Variants in CAMSAP2 observed in about 807,000 individuals in gnomAD.
CAMSAP2 encodes calmodulin regulated spectrin associated protein family member 2, also known as calmodulin-regulated spectrin-associated protein 2.
Under a neutral mutation model 146.1 loss-of-function variants are expected in CAMSAP2, and 26 were observed. The ratio of observed to expected loss-of-function variants is 0.18; its 90% confidence interval spans 0.13 to 0.25. The LOEUF (loss-of-function observed/expected upper bound fraction) is 0.25, where lower values mean the gene tolerates loss of function less well. Among genes scored for constraint, CAMSAP2 ranks in the 10% least tolerant of loss-of-function variants. The pLI is 1.00. For missense variants in CAMSAP2, 1,381 were observed against 1,759.3 expected (o/e 0.78, Z 3.85); for synonymous variants, 499 against 596.6 (o/e 0.84, Z 2.38).
intron 4 of CAMSAP2, among the ~76,000 whole-genome samples, chr1:200,825,626 C>T (rs1271452596): frequency 6.6e-6 from 1 of 151,900 alleles, no homozygotes; most frequent in Non-Finnish European, 1.5e-5. Context: ...TCTGCCTCAG[C>T]CTCCCAAGTA....
At chr1:200,817,773 T>C (rs1666646523) in intron 4 of CAMSAP2, among the ~76,000 whole-genome samples, 1 of 152,270 alleles carries the variant, frequency 6.6e-6, no homozygotes, top group African/African-American at 2.4e-5. Flanking sequence ...GGGATCACAA[T>C]GCTTTCCCCC....
chr1:200,835,408 C>A (rs900494237), intron 6 of CAMSAP2, among the ~76,000 whole-genome samples: 2 of 152,160 alleles, frequency 1.3e-5, no homozygotes, highest in East Asian at 3.8e-4. Context: ...ATGCTAGACA[C>A]TGTACTGAGC....
intron 4 of CAMSAP2, among the ~76,000 whole-genome samples, chr1:200,826,233 C>A (rs1275060031): frequency 6.6e-6 from 1 of 151,940 alleles, no homozygotes; most frequent in Non-Finnish European, 1.5e-5. Flanking sequence ...GAGCTCAAGA[C>A]CAGCCTGGCC....
chr1:200,789,126 C>G (rs1665677357), intron 2 of CAMSAP2, among the ~76,000 whole-genome samples: 1 of 152,094 alleles, frequency 6.6e-6, no homozygotes, highest in Non-Finnish European at 1.5e-5. Flanking sequence ...TTCTCCCAGT[C>G]TGTGGCTTAT....
rs1667830823 is a variant in CAMSAP2 at position 200,859,566 on chromosome 1, T to C, written c.*1507T>C. ...AATATTTTACTGTAATTTATGTTCT[T>C]ATATTTATGTATATTTGTTAAAACT... On this transcript the variant is annotated 3_prime_UTR_variant, in exon 17 of 17. Transcript: ENST00000358823. The C allele has an allele frequency of 6.6e-6, 1 of 152,430 alleles. No homozygotes were observed. The highest frequency in any genetic ancestry group is 1.5e-5 in the Non-Finnish European group (1 of 67,908). 9.4% of individuals were successfully genotyped at this position (152,430 alleles called of 1,614,324 possible). A position where few individuals can be genotyped will look rare whatever the true frequency, so the allele number is the denominator to read the frequency against.
In CAMSAP2 at chr1:200,832,850, A is replaced by G; in HGVS notation, c.927+5A>G. 3 of 1,551,522 alleles carry G rather than the reference A, an allele frequency of 1.9e-6. No individual in the cohort carries two copies. Among genetic ancestry groups the G allele is most frequent in the Non-Finnish European group, 2.6e-6 (3 of 1,153,970 alleles). The stretch of plus-strand genomic sequence containing the variant: ...TATGCTGCTTCATCCATAAAGGTAA[A>G]TTAAATTATTCTTTTTTTCCCTTTG... On this transcript the variant is annotated splice_donor_5th_base_variant and intron_variant, in intron 6 of 16. Coordinates refer to ENST00000358823, the MANE Select transcript of CAMSAP2 (RefSeq NM_203459.4). This position sits in a 1 kb window ranked among gnomAD's most constrained non-coding sequence, Gnocchi z 4.2.
chr1:200,755,725 G>A (rs1467292041), intron 1 of CAMSAP2, among the ~76,000 whole-genome samples: 1 of 152,190 alleles, frequency 6.6e-6, no homozygotes, highest in Admixed American at 6.5e-5. Flanking sequence ...TGTTTCAGAC[G>A]CAGTTCCAGG....
chr1:200,843,276 A>G (rs933402852), intron 7 of CAMSAP2, among the ~76,000 whole-genome samples: 1 of 152,194 alleles, frequency 6.6e-6, no homozygotes, highest in African/African-American at 2.4e-5. Context: ...GAGGAAAAAC[A>G]TATGTAGCCA....
intron 2 of CAMSAP2, among the ~76,000 whole-genome samples, chr1:200,802,829 A>G (rs1666069540): frequency 6.6e-6 from 1 of 152,164 alleles, no homozygotes; most frequent in Non-Finnish European, 1.5e-5. Context: ...TTTCTAATAC[A>G]TAAATGTAAT....
intron 6 of CAMSAP2, among the ~76,000 whole-genome samples, chr1:200,840,297 T>G (rs1333187817): frequency 6.6e-6 from 1 of 152,212 alleles, no homozygotes; most frequent in East Asian, 1.9e-4. Flanking sequence ...TTTTTATTTT[T>G]TTTTAGAGAC....
Position 200,785,571 on chromosome 1 carries a change from G to A in CAMSAP2, c.400-21805G>A, listed in dbSNP as rs1459272520. Among the ~76,000 whole-genome samples, 4 of 151,948 alleles carry A rather than the reference G, an allele frequency of 2.6e-5. No homozygotes were observed. The East Asian group carries it at 7.7e-4, about 29-fold the overall frequency. On this transcript the variant is annotated intron_variant, in intron 2 of 16. Transcript: ENST00000358823. The stretch of plus-strand genomic sequence containing the variant: ...CACCTGGGTAATTTTTGTATTTTTA[G>A]TAGAGACAGGGTTTCGCCATGTTTG...
intron 4 of CAMSAP2, among the ~76,000 whole-genome samples, chr1:200,826,775 AGG>A (rs1346200717): frequency 6.6e-6 from 1 of 152,182 alleles, no homozygotes; most frequent in Non-Finnish European, 1.5e-5. Flanking sequence ...TGGACTGCCT[AGG>A]TTGGCCCCTT....
chr1:200,746,615 G>A (rs970483473), intron 1 of CAMSAP2, among the ~76,000 whole-genome samples: 1 of 143,364 alleles, frequency 7.0e-6, no homozygotes, highest in African/African-American at 2.7e-5. Flanking sequence ...CCAGTCACTA[G>A]TCACATTTTT....
At chr1:200,798,890 T>G (rs1247586349) in intron 2 of CAMSAP2, among the ~76,000 whole-genome samples, 1 of 151,230 alleles carries the variant, frequency 6.6e-6, no homozygotes, top group Non-Finnish European at 1.5e-5. Flanking sequence ...GTTGTTGAAT[T>G]TTGTCAAAGG....
chr1:200,807,578 A>T, intron 3 of CAMSAP2, 41 bp downstream of exon 3: 1 of 1,390,848 alleles, frequency 7.2e-7, no homozygotes, highest in South Asian at 1.8e-5. Flanking sequence ...TCTCATAGCC[A>T]GAAAACGTGA....
rs1273182176 is a variant in CAMSAP2 at position 200,782,808 on chromosome 1, T to A, written c.399+21710T>A. 2.1e-5 allele frequency among the ~76,000 whole-genome samples: 3 copies of A among 144,376 alleles called. No individual in the cohort carries two copies. The East Asian group carries it at 5.9e-4, about 29-fold the overall frequency. 94.7% of individuals were successfully genotyped at this position (144,376 alleles called of 152,430 possible). A position where few individuals can be genotyped will look rare whatever the true frequency, so the allele number is the denominator to read the frequency against. ...TTTTTTTTTTTTTTTTTTTTTTTTT[T>A]GAGACAGGGTCTTACTCTGTCATCC... On this transcript the variant is annotated intron_variant, in intron 2 of 16. Transcript: ENST00000358823.
Position 200,857,470 on chromosome 1 carries a change from CT to C in CAMSAP2, c.4131+50del. 1.5e-6 allele frequency: 2 copies of C among 1,302,894 alleles called. No individual in the cohort carries two copies. The highest frequency in any genetic ancestry group is 2.2e-6 in the Non-Finnish European group (2 of 898,298). The allele number at this position is 1,302,894 out of a possible 1,614,324, so 80.7% of individuals were successfully genotyped here. On this transcript the variant is annotated intron_variant, in intron 16 of 16. Coordinates refer to ENST00000358823, the MANE Select transcript of CAMSAP2 (RefSeq NM_203459.4). The surrounding 1 kb of genome is among the most constrained non-coding windows in gnomAD (Gnocchi z 4.7). Reference sequence around the variant, plus strand: ...ATTAAATTTGGCAAACTGTAGAAGTCTTTTATCCATTCAAGAGAATGTACTC... The same window carrying C: ...ATTAAATTTGGCAAACTGTAGAAGTCTTTATCCATTCAAGAGAATGTACTC...
chr1:200,796,512 G>T (rs891947137), intron 2 of CAMSAP2, among the ~76,000 whole-genome samples: 2 of 152,082 alleles, frequency 1.3e-5, no homozygotes, highest in African/African-American at 4.8e-5. Context: ...AGCTACCTGG[G>T]ATTCTGATAG....
At chr1:200,808,459 GA>G (rs922824206) in intron 3 of CAMSAP2, among the ~76,000 whole-genome samples, 2 of 152,174 alleles carry the variant, frequency 1.3e-5, no homozygotes, top group Admixed American at 1.3e-4. Context: ...ATCCTTTCTT[GA>G]AAGCTGGCAT....
Sources: allele counts gnomAD v4.1 joint callset (sites outside exome capture counted in the v4.1 genomes callset), GRCh38; gene constraint gnomAD v4.1.1; non-coding constraint Gnocchi (gnomAD v3.1); transcripts MANE v1.5; gene names NCBI Gene and HGNC (gene_info 2026-07-23, HGNC 2026-07-21).